CUX1: variants seen among roughly 807,000 people sequenced by gnomAD.
CUX1 encodes the protein protein CASP.
Under a neutral mutation model 158.8 loss-of-function variants are expected in CUX1, and 31 were observed. The observed-to-expected ratio is 0.20, with a 90% CI of 0.15 to 0.26. The LOEUF (loss-of-function observed/expected upper bound fraction) is 0.26, where lower values mean the gene tolerates loss of function less well. Ranked by LOEUF, CUX1 falls within the 10% of genes least tolerant of loss-of-function variation. The probability of loss-of-function intolerance (pLI) is 1.00; values close to 1 mark genes in which losing one functional copy is unlikely to be tolerated. For synonymous variants in CUX1, 879 were observed against 862.1 expected (o/e 1.02, Z -0.34); for missense variants, 1,589 against 2,014.6 (o/e 0.79, Z 4.04).
chr7:101,821,680 T>TTTC (rs1792596052), intron 1 of CUX1, among the ~76,000 whole-genome samples: 1 of 106,644 alleles, frequency 9.4e-6, no homozygotes, highest in South Asian at 3.7e-4. Flanking sequence ...TCTTTTTTTT[T>TTTC]TTTTTTTTTT....
At chr7:102,028,687 C>G (rs1404103649) in intron 3 of CUX1, among the ~76,000 whole-genome samples, 1 of 152,222 alleles carries the variant, frequency 6.6e-6, no homozygotes, top group East Asian at 1.9e-4. Context: ...AGCCATCTGG[C>G]AGACGGCACG....
At chr7:102,003,328 A>G (rs1816932589) in intron 2 of CUX1, among the ~76,000 whole-genome samples, 1 of 149,932 alleles carries the variant, frequency 6.7e-6, no homozygotes, top group African/African-American at 2.5e-5. Context: ...ACACACACAC[A>G]CACACACGCC....
chr7:101,962,580 C>T (rs979611142), intron 2 of CUX1, among the ~76,000 whole-genome samples: 11 of 152,130 alleles, frequency 7.2e-5, no homozygotes, highest in Non-Finnish European at 1.0e-4. Flanking sequence ...GTGCCCCTGT[C>T]GTGTCTGAAA....
At chr7:102,129,060 C>T (rs1832948718) in intron 8 of CUX1, among the ~76,000 whole-genome samples, 1 of 152,188 alleles carries the variant, frequency 6.6e-6, no homozygotes, top group Non-Finnish European at 1.5e-5. Context: ...CTGCTGCCTG[C>T]AAGGCACCTG....
intron 14 of CUX1, among the ~76,000 whole-genome samples, chr7:102,265,228 C>CAT (rs1563516697): frequency 2.6e-5 from 4 of 151,790 alleles, no homozygotes; most frequent in African/African-American, 9.7e-5. Context: ...TGGTAGCGGG[C>CAT]GCCTGTAATC....
At chr7:101,830,000 C>T (rs1317335941) in intron 1 of CUX1, among the ~76,000 whole-genome samples, 2 of 152,222 alleles carry the variant, frequency 1.3e-5, no homozygotes, top group Non-Finnish European at 2.9e-5. Flanking sequence ...AGAGGAGCGG[C>T]CTGCCCTATC....
chr7:101,828,175 G>C (rs1793598486), intron 1 of CUX1, among the ~76,000 whole-genome samples: 1 of 151,894 alleles, frequency 6.6e-6, no homozygotes, highest in South Asian at 2.1e-4. Flanking sequence ...CACCGTGTTG[G>C]CCAGGTTGGT....
At chr7:102,108,733 A>G (rs1354594388) in intron 6 of CUX1, among the ~76,000 whole-genome samples, 1 of 99,650 alleles carries the variant, frequency 1.0e-5, no homozygotes, top group African/African-American at 4.7e-5. Context: ...TACTTCATTC[A>G]TTTTGTGTGT....
intron 19 of CUX1, 59 bp downstream of exon 19, chr7:102,204,615 A>G: frequency 1.3e-6 from 2 of 1,586,618 alleles, no homozygotes; most frequent in South Asian, 1.1e-5. Context: ...ACCTGGTCAC[A>G]GCAGCCCCAC....
rs369578464 is a variant in CUX1, at chr7:101,984,069, T to TC, written c.142-44021dup. On this transcript the variant is annotated intron_variant, in intron 2 of 23. Transcript: ENST00000292535. ...GCCTGGGTGACAGAGCAAGACTCTG[T>TC]CCCCCCCCAAAAAAAAAAAAATATA... Among the ~76,000 whole-genome samples the TC allele has an allele frequency of 3.4e-3, 223 of 64,674 alleles. 5 individuals carry two copies. Among genetic ancestry groups the TC allele is most frequent in the African/African-American group, 0.014 (202 of 14,078 alleles). 42.4% of individuals were successfully genotyped at this position (64,674 alleles called of 152,430 possible). A position where few individuals can be genotyped will look rare whatever the true frequency, so the allele number is the denominator to read the frequency against.
chr7:101,997,631 A>G (rs1238106223), intron 2 of CUX1, among the ~76,000 whole-genome samples: 4 of 152,162 alleles, frequency 2.6e-5, no homozygotes, highest in Non-Finnish European at 5.9e-5. Context: ...GGCATGAGCC[A>G]CCAGGCCCAG....
chr7:102,277,648 C>A (rs1462465051), intron 17 of CUX1, among the ~76,000 whole-genome samples: 1 of 151,992 alleles, frequency 6.6e-6, no homozygotes, highest in Non-Finnish European at 1.5e-5. Context: ...AATATATAGA[C>A]AGGGTCTTGC....
At chr7:102,067,137 G>A (rs2130509982) in intron 3 of CUX1, among the ~76,000 whole-genome samples, 1 of 150,982 alleles carries the variant, frequency 6.6e-6, no homozygotes, top group South Asian at 2.1e-4. Flanking sequence ...GCATCCACCA[G>A]CCCCTCCTTC....
At chr7:102,136,387 A>G (rs1359496943) in intron 8 of CUX1, among the ~76,000 whole-genome samples, 2 of 149,752 alleles carry the variant, frequency 1.3e-5, no homozygotes, top group East Asian at 1.9e-4. Context: ...TCGTCATTTT[A>G]CCAACTTTTT....
chr7:101,912,944 C>A (rs1370638806), intron 1 of CUX1, among the ~76,000 whole-genome samples: 2 of 152,146 alleles, frequency 1.3e-5, no homozygotes, highest in Non-Finnish European at 2.9e-5. Context: ...GCATTTGGGA[C>A]CCCCACCTCC....
intron 2 of CUX1, chr7:101,932,675 T>C: frequency 2.3e-6 from 1 of 441,158 alleles, no homozygotes; most frequent in Non-Finnish European, 4.6e-6. Flanking sequence ...ATATTTTCAT[T>C]TATTTTGTTT....
chr7:102,139,814 G>A (rs1343185078), intron 8 of CUX1, among the ~76,000 whole-genome samples: 1 of 135,482 alleles, frequency 7.4e-6, no homozygotes, highest in African/African-American at 2.7e-5. Context: ...AGCACACCCA[G>A]CTATTTTTTT....
intron 4 of CUX1, among the ~76,000 whole-genome samples, chr7:102,077,937 A>G (rs1254828250): frequency 6.6e-6 from 1 of 151,838 alleles, no homozygotes; most frequent in Non-Finnish European, 1.5e-5. Context: ...AACATAAATT[A>G]GTAAAATATT....
intron 12 of CUX1, 41 bp from the exon 13 acceptor site, chr7:102,193,801 C>CA: frequency 6.2e-7 from 1 of 1,601,460 alleles, no homozygotes; most frequent in East Asian, 2.3e-5. Flanking sequence ...GACTCTGTCT[C>CA]AAAAAATAAA....
Sources: gnomAD v4.1 joint callset for allele counts (sites outside exome capture counted in the v4.1 genomes callset) on GRCh38, gnomAD v4.1.1 for gene constraint, MANE v1.5 for transcripts, NCBI Gene and HGNC (gene_info 2026-07-23, HGNC 2026-07-21) for gene names.